Variants in CTNNBL1 observed in about 807,000 individuals in gnomAD.
The protein encoded by CTNNBL1 is catenin beta like 1, also known as beta-catenin-like protein 1.
In CTNNBL1, 31 loss-of-function variants were observed where a neutral mutation model predicts 72.7. The observed-to-expected ratio is 0.43, with a 90% CI of 0.32 to 0.58. The LOEUF (loss-of-function observed/expected upper bound fraction) is 0.58. CTNNBL1 is among the 20% of genes least tolerant of loss of function. CTNNBL1 has a pLI of 0.08. For synonymous variants in CTNNBL1, 240 were observed against 267.3 expected, an observed-to-expected ratio of 0.90 and a Z score of 1.00; for missense variants, 534 against 725.1, an observed-to-expected ratio of 0.74 and a Z score of 3.03.
chr20:37,804,478 G>A (rs778598789), intron 11 of CTNNBL1, among the ~76,000 whole-genome samples: 23 of 152,194 alleles, frequency 1.5e-4, no homozygotes, highest in Admixed American at 1.0e-3. Flanking sequence ...CTAGGTGTGC[G>A]ACTTTGGAAC....
At chr20:37,737,538 A>C (rs1471558841) in intron 3 of CTNNBL1, 54 bp downstream of exon 3, 3 of 1,284,930 alleles carry the variant, frequency 2.3e-6, no homozygotes, top group African/African-American at 1.5e-5. Flanking sequence ...TCGTTGGCTA[A>C]TTTTGTTTTG....
intron 5 of CTNNBL1, among the ~76,000 whole-genome samples, chr20:37,763,441 G>A (rs1183460782): frequency 3.3e-5 from 5 of 152,016 alleles, no homozygotes; most frequent in African/African-American, 1.2e-4. Context: ...CTCATACCAG[G>A]GCATAAAGGA....
chr20:37,755,654 A>T (rs1222981212), intron 4 of CTNNBL1, among the ~76,000 whole-genome samples: 1 of 152,214 alleles, frequency 6.6e-6, no homozygotes, highest in Non-Finnish European at 1.5e-5. Context: ...TGCATGTAAT[A>T]CCCAGAACAT....
At chr20:37,695,743 A>G (rs1442738171) in intron 1 of CTNNBL1, among the ~76,000 whole-genome samples, 5 of 152,166 alleles carry the variant, frequency 3.3e-5, no homozygotes, top group Admixed American at 1.3e-4. Context: ...TGGTTTCTTC[A>G]TCTGTAAATG....
At chr20:37,793,969 C>T (rs532647581) in intron 10 of CTNNBL1, among the ~76,000 whole-genome samples, 17 of 151,964 alleles carry the variant, frequency 1.1e-4, no homozygotes, top group South Asian at 4.2e-4. Context: ...TTAGTAGAGA[C>T]GGGGTTTCAC....
intron 3 of CTNNBL1, among the ~76,000 whole-genome samples, chr20:37,745,064 G>A (rs1031736083): frequency 6.6e-6 from 1 of 152,138 alleles, no homozygotes; most frequent in Non-Finnish European, 1.5e-5. Flanking sequence ...TTGAGGGCTT[G>A]CTTTTCTTTC....
intron 11 of CTNNBL1, chr20:37,832,437 C>CCA (rs2072217339): frequency 6.6e-6 from 1 of 152,200 alleles, no homozygotes; most frequent in African/African-American, 2.4e-5. Context: ...ACACATACCT[C>CCA]ATTTGAAAGA....
rs1421737879 is a variant in CTNNBL1, at chr20:37,694,044, T to A, written c.-79T>A. On this transcript the variant is annotated 5_prime_UTR_variant, in exon 1 of 16. Coordinates refer to ENST00000361383, the MANE Select transcript of CTNNBL1 (RefSeq NM_030877.5). ...CTCCGCTCGCCGCACTTTACGGCAG[T>A]GTGGCTGGAGCCGCGGCTGACGGGC... is the stretch of plus-strand genomic sequence containing the variant. 6.6e-7 allele frequency: 1 copy of A among 1,511,772 alleles called. No individual in the cohort carries two copies. Among genetic ancestry groups the A allele is most frequent in the Non-Finnish European group, 9.0e-7 (1 of 1,105,676 alleles). The allele number at this position is 1,511,772 out of a possible 1,614,324, so 93.6% of individuals were successfully genotyped here.
At chr20:37,755,905 C>T (rs1471502298) in intron 4 of CTNNBL1, among the ~76,000 whole-genome samples, 2 of 152,150 alleles carry the variant, frequency 1.3e-5, no homozygotes, top group Admixed American at 6.5e-5. Context: ...TGCTTTAGTG[C>T]GTCCTGCACA....
At chr20:37,748,444 C>T (rs1205258782) in intron 4 of CTNNBL1, among the ~76,000 whole-genome samples, 1 of 152,146 alleles carries the variant, frequency 6.6e-6, no homozygotes, top group Non-Finnish European at 1.5e-5. Context: ...AGTGTATGGT[C>T]TCATGAAATT....
chr20:37,738,698 G>A (rs907657293), intron 3 of CTNNBL1, among the ~76,000 whole-genome samples: 3 of 152,198 alleles, frequency 2.0e-5, no homozygotes, highest in Non-Finnish European at 4.4e-5. Context: ...AGATATAATA[G>A]GAGAAGAAAC....
chr20:37,787,608 T>C (rs1316785998), intron 10 of CTNNBL1, among the ~76,000 whole-genome samples: 16 of 152,236 alleles, frequency 1.1e-4, no homozygotes, highest in Admixed American at 1.0e-3. Flanking sequence ...CCTCCCAAAG[T>C]GCTGGGATTA....
chr20:37,826,570 C>T (rs2072161922), intron 11 of CTNNBL1, among the ~76,000 whole-genome samples: 1 of 152,224 alleles, frequency 6.6e-6, no homozygotes, highest in South Asian at 2.1e-4. Context: ...CTTTGGGTAT[C>T]TCATCATTCA....
chr20:37,740,646 T>A (rs1320326252), intron 3 of CTNNBL1, among the ~76,000 whole-genome samples: 1 of 152,192 alleles, frequency 6.6e-6, no homozygotes, highest in African/African-American at 2.4e-5. Flanking sequence ...TACTCTTAAA[T>A]TATTGAATAT....
chr20:37,757,530 A>ATG (rs748173048), intron 4 of CTNNBL1, 29 bp from the exon 5 acceptor site: 2 of 1,498,714 alleles, frequency 1.3e-6, no homozygotes. Context: ...CCGTTTCAGT[A>ATG]TGTGTGTTAT....
chr20:37,709,720 G>T (rs998980859), intron 1 of CTNNBL1, among the ~76,000 whole-genome samples: 12 of 152,198 alleles, frequency 7.9e-5, no homozygotes, highest in Admixed American at 2.6e-4. Context: ...GTGAAACTCG[G>T]CAATAAAGGA....
At chr20:37,807,601 A>G (rs1041494234) in intron 11 of CTNNBL1, among the ~76,000 whole-genome samples, 1 of 152,246 alleles carries the variant, frequency 6.6e-6, no homozygotes, top group African/African-American at 2.4e-5. Context: ...AGGTGACTCT[A>G]AAGAGGGGAG....
At chr20:37,746,233 C>T (rs1304379123) in intron 3 of CTNNBL1, among the ~76,000 whole-genome samples, 1 of 152,162 alleles carries the variant, frequency 6.6e-6, no homozygotes, top group African/African-American at 2.4e-5. Flanking sequence ...CAGCTTGTGA[C>T]TGCAAGAGTA....
intron 1 of CTNNBL1, among the ~76,000 whole-genome samples, chr20:37,716,942 C>T (rs1245681092): frequency 1.3e-5 from 2 of 152,158 alleles, no homozygotes; most frequent in Non-Finnish European, 2.9e-5. Context: ...TGTCTAAGGT[C>T]CTAAGCCTTC....
Sources: gnomAD v4.1 joint callset for allele counts (sites outside exome capture counted in the v4.1 genomes callset) on GRCh38, gnomAD v4.1.1 for gene constraint, MANE v1.5 for transcripts, NCBI Gene and HGNC (gene_info 2026-07-23, HGNC 2026-07-21) for gene names.